ASPH: variants seen among roughly 807,000 people sequenced by gnomAD.
ASPH encodes aspartyl/asparaginyl beta-hydroxylase.
A neutral mutation model predicts 118.4 loss-of-function variants in ASPH; 100 were observed. The ratio of observed to expected loss-of-function variants is 0.84; its 90% CI spans 0.72 to 1.00. The LOEUF is 1.00. ASPH is among the 50% of genes least tolerant of loss of function. The pLI is 0.00. For missense variants in ASPH, 920 were observed against 919.5 expected (o/e 1.00, Z -0.01); for synonymous variants, 315 against 325.6 (o/e 0.97, Z 0.35).
At chr8:61,556,182 G>A (rs1473200907) in intron 18 of ASPH, among the ~76,000 whole-genome samples, 160 bp from the exon 19 acceptor site, 1 of 152,164 alleles carries the variant, frequency 6.6e-6, no homozygotes, top group Non-Finnish European at 1.5e-5. Context: ...TTGTCTCATG[G>A]CAATATCATT....
At chr8:61,684,600 C>G (rs2151685150) in intron 1 of ASPH, 1 of 159,146 alleles carries the variant, frequency 6.3e-6, no homozygotes, top group South Asian at 1.8e-4. Flanking sequence ...TGTTAACACA[C>G]AGAAGAAAAT....
At chr8:61,674,414 C>T (rs993264464) in intron 3 of ASPH, among the ~76,000 whole-genome samples, 1 of 152,168 alleles carries the variant, frequency 6.6e-6, no homozygotes, top group African/African-American at 2.4e-5. Context: ...GAAACAGAAG[C>T]TTTAACAGAC....
At position 61,681,871 on chromosome 8, in the gene ASPH, A is replaced by G. The variant is rs137995326; in HGVS notation, c.254-835T>C. ...AAGTCAAATATATTCAACTCCCTAA[A>G]AAAGCATCCTAAAATCTACATGATT... On this transcript the variant is annotated intron_variant, in intron 2 of 24. Transcript: ENST00000379454. Among the ~76,000 whole-genome samples the G allele has an allele frequency of 7.2e-3, 1,096 of 152,094 alleles. 18 individuals carry two copies. The highest frequency in any genetic ancestry group is 0.025 in the African/African-American group (1,056 of 41,546).
chr8:61,617,932 C>CAAAAAAAAA (rs10674052), intron 14 of ASPH, among the ~76,000 whole-genome samples: 2 of 87,776 alleles, frequency 2.3e-5, no homozygotes, highest in African/African-American at 4.6e-5. Flanking sequence ...GACGCCATCT[C>CAAAAAAAAA]AAAAAAAAAA....
chr8:61,539,699 G>GTGTGTGTGTGTGTGTGTGTGTGTGT (rs1554618408), intron 21 of ASPH, among the ~76,000 whole-genome samples: 45 of 124,304 alleles, frequency 3.6e-4, no homozygotes, highest in Admixed American at 2.6e-3. Flanking sequence ...ACACTTCTGG[G>GTGTGTGTGTGTGTGTGTGTGTGTGT]GTGTGTGTGT....
intron 22 of ASPH, among the ~76,000 whole-genome samples, chr8:61,523,725 C>T (rs1258617011): frequency 1.3e-5 from 2 of 152,230 alleles, no homozygotes; most frequent in East Asian, 1.9e-4. Context: ...TTTAAAAAAT[C>T]TTCCTAAAAG....
At chr8:61,575,576 G>A (rs1272908968) in intron 16 of ASPH, among the ~76,000 whole-genome samples, 1 of 152,024 alleles carries the variant, frequency 6.6e-6, no homozygotes, top group African/African-American at 2.4e-5. Context: ...TTAGAACAGG[G>A]CCTAGCACAC....
At chr8:61,583,832 T>G (rs1838382918) in intron 15 of ASPH, 112 bp downstream of exon 15, 1 of 732,440 alleles carries the variant, frequency 1.4e-6, no homozygotes, top group East Asian at 2.9e-5. Context: ...AAATCCACTC[T>G]ATTCAACTGT....
chr8:61,623,209 C>A (rs112826289), intron 13 of ASPH, among the ~76,000 whole-genome samples: 6 of 152,204 alleles, frequency 3.9e-5, no homozygotes, highest in Non-Finnish European at 5.9e-5. Context: ...CACATGCTCA[C>A]CAGCATTCAT....
chr8:61,623,721 C>T (rs1851746998), intron 13 of ASPH: 1 of 152,170 alleles, frequency 6.6e-6, no homozygotes, highest in South Asian at 2.1e-4. Context: ...AATTTACGCA[C>T]TCTCATGTTT....
At chr8:61,621,994 C>T (rs1851110739) in intron 13 of ASPH, among the ~76,000 whole-genome samples, 1 of 152,302 alleles carries the variant, frequency 6.6e-6, no homozygotes, top group Non-Finnish European at 1.5e-5. Context: ...GGATATTGAT[C>T]TTTAAATATT....
At chr8:61,584,180 C>T (rs1372640184) in intron 14 of ASPH, 151 bp from the exon 15 acceptor site, 3 of 565,634 alleles carry the variant, frequency 5.3e-6, no homozygotes, top group Non-Finnish European at 9.2e-6. Flanking sequence ...TCCATTTCCT[C>T]CCCTAGATGG....
intron 1 of ASPH, among the ~76,000 whole-genome samples, chr8:61,703,448 T>C (rs1271573274): frequency 2.0e-5 from 3 of 152,168 alleles, no homozygotes; most frequent in Admixed American, 6.5e-5. Context: ...ATAAGGTGCA[T>C]GTAACAGTTC....
intron 14 of ASPH, among the ~76,000 whole-genome samples, chr8:61,598,883 C>G (rs1268489308): frequency 1.3e-5 from 2 of 152,060 alleles, no homozygotes; most frequent in African/African-American, 4.8e-5. Flanking sequence ...AAACAACATG[C>G]TCCTGAATGG....
At chr8:61,697,212 C>T (rs1422313512) in intron 1 of ASPH, among the ~76,000 whole-genome samples, 1 of 152,194 alleles carries the variant, frequency 6.6e-6, no homozygotes, top group African/African-American at 2.4e-5. Flanking sequence ...GGTCAAAAAA[C>T]AGTTGATACA....
chr8:61,620,550 A>G (rs868478008), intron 13 of ASPH, among the ~76,000 whole-genome samples: 1 of 151,928 alleles, frequency 6.6e-6, no homozygotes. Context: ...CTCTTTAACT[A>G]TAGCCTCCTT....
At chr8:61,663,163 G>A (rs529889022) in intron 3 of ASPH, 1 of 985,240 alleles carries the variant, frequency 1.0e-6, no homozygotes, top group African/African-American at 1.7e-5. Context: ...ATGCCTGGGG[G>A]ACATGTTCTG....
chr8:61,570,242 T>C (rs535974026), intron 16 of ASPH, among the ~76,000 whole-genome samples: 1 of 152,356 alleles, frequency 6.6e-6, no homozygotes, highest in East Asian at 1.9e-4. Context: ...ATATCTCATG[T>C]AATTTATTGG....
At chr8:61,653,113 C>T (rs919409122) in intron 4 of ASPH, among the ~76,000 whole-genome samples, 1 of 152,130 alleles carries the variant, frequency 6.6e-6, no homozygotes, top group African/African-American at 2.4e-5. Context: ...AAAACAGGCT[C>T]CATAGATGCC....
Sources: allele counts gnomAD v4.1 joint callset (sites outside exome capture counted in the v4.1 genomes callset), GRCh38; gene constraint gnomAD v4.1.1; transcripts MANE v1.5; gene names NCBI Gene and HGNC (gene_info 2026-07-23, HGNC 2026-07-21).